SCAI: variants seen among roughly 807,000 people sequenced by gnomAD.
The protein encoded by SCAI is protein SCAI.
A neutral mutation model predicts 92.2 loss-of-function variants in SCAI; 24 were observed. The ratio of observed to expected loss-of-function variants is 0.26; its 90% CI spans 0.19 to 0.37. SCAI has a LOEUF of 0.37. Ranked by LOEUF, SCAI falls within the 10% of genes least tolerant of loss-of-function variation. SCAI has a pLI of 1.00. For missense variants in SCAI, 450 were observed against 736.2 expected, an observed-to-expected ratio of 0.61 and a Z score of 4.50; for synonymous variants, 261 against 258.6, an observed-to-expected ratio of 1.01 and a Z score of -0.09.
intron 14 of SCAI, among the ~76,000 whole-genome samples, chr9:124,994,579 G>A (rs900610311): frequency 1.3e-5 from 2 of 152,066 alleles, no homozygotes; most frequent in African/African-American, 2.4e-5. Flanking sequence ...AAGGGGAAAC[G>A]TTTGAACACT....
At chr9:124,974,072 C>T (rs1030530386) in intron 15 of SCAI, 4 of 255,310 alleles carry the variant, frequency 1.6e-5, no homozygotes, top group South Asian at 3.2e-5. Context: ...TTATAATAAC[C>T]GCCCATCAGG....
At chr9:124,964,468 A>C (rs1234107303) in intron 17 of SCAI, among the ~76,000 whole-genome samples, 1 of 152,162 alleles carries the variant, frequency 6.6e-6, no homozygotes, top group Non-Finnish European at 1.5e-5. Context: ...GATGGCTTTC[A>C]AGCCTTTTTC....
At chr9:124,969,412 A>G (rs905213035) in intron 17 of SCAI, among the ~76,000 whole-genome samples, 2 of 152,264 alleles carry the variant, frequency 1.3e-5, no homozygotes, top group African/African-American at 4.8e-5. Context: ...TAAAACCTCA[A>G]TGAAGTGTTG....
intron 14 of SCAI, among the ~76,000 whole-genome samples, chr9:124,982,424 C>T (rs1410405719): frequency 3.9e-5 from 6 of 152,072 alleles, no homozygotes; most frequent in Admixed American, 3.9e-4. Context: ...GTAATCGCAG[C>T]ATTTTGGGAG....
chr9:125,022,290 C>G (rs1226238535), intron 6 of SCAI, among the ~76,000 whole-genome samples: 1 of 152,238 alleles, frequency 6.6e-6, no homozygotes, highest in South Asian at 2.1e-4. Flanking sequence ...CCTCTATTCT[C>G]AATAATACTT....
chr9:124,981,266 T>C (rs1456638376), intron 14 of SCAI, among the ~76,000 whole-genome samples: 5 of 152,244 alleles, frequency 3.3e-5, no homozygotes, highest in South Asian at 2.1e-4. Flanking sequence ...TGTGATTCTC[T>C]TGATTTTCCA....
intron 2 of SCAI, among the ~76,000 whole-genome samples, chr9:125,092,700 G>A (rs1393525059): frequency 6.6e-6 from 1 of 152,134 alleles, no homozygotes; most frequent in East Asian, 1.9e-4. Flanking sequence ...TCACCAATGG[G>A]CCTCTGTGCT....
chr9:125,135,011 C>A (rs181518321), intron 2 of SCAI, among the ~76,000 whole-genome samples: 86 of 152,238 alleles, frequency 5.6e-4, no homozygotes, highest in African/African-American at 1.8e-3. Context: ...CAGTCCATTG[C>A]AGTTTTTCAG....
At chr9:125,044,256 C>T (rs1178394526) in intron 3 of SCAI, among the ~76,000 whole-genome samples, 1 of 152,100 alleles carries the variant, frequency 6.6e-6, no homozygotes, top group Non-Finnish European at 1.5e-5. Flanking sequence ...AGTGAGAACT[C>T]GAGGTGCTTT....
In SCAI at chr9:125,001,991, A is replaced by C; in HGVS notation, c.1118T>G (p.Phe373Cys). 6.2e-7 allele frequency: 1 copy of C among 1,613,620 alleles called. No homozygotes were observed. The part of the protein sequence containing the change: ...LLIYLSATGV[F>C]PTGRSDSEGP... The stretch of plus-strand genomic sequence containing the variant: ...TTCACTATCAGAACGACCTGTGGGG[A>C]AAACGCCAGTGGCCGACAGGTAAAT... Residue 373 changes from phenylalanine to cysteine, a missense_variant, in exon 12 of 18, where the codon TTC becomes TGC. This residue lies in a region of SCAI where 360 missense variants were observed against 601.8 expected (regional missense o/e 0.60). Transcript: ENST00000336505.
At chr9:125,128,392 G>C (rs902225669) in intron 2 of SCAI, among the ~76,000 whole-genome samples, 1 of 152,030 alleles carries the variant, frequency 6.6e-6, no homozygotes, top group African/African-American at 2.4e-5. Context: ...AGCTGAGGCA[G>C]GTGGATCACC....
At chr9:125,062,560 G>A (rs1262443702) in intron 2 of SCAI, among the ~76,000 whole-genome samples, 1 of 151,262 alleles carries the variant, frequency 6.6e-6, no homozygotes, top group East Asian at 2.0e-4. Flanking sequence ...AGACCAGCCT[G>A]ACCAACATGG....
intron 1 of SCAI, 143 bp downstream of exon 1, chr9:125,143,242 G>T (rs1280116914): frequency 4.3e-5 from 20 of 464,264 alleles, no homozygotes; most frequent in Admixed American, 1.8e-4. Flanking sequence ...GCCTGCAGGC[G>T]CCCCCAAGGT....
chr9:125,041,262 T>G (rs993224113), intron 3 of SCAI, among the ~76,000 whole-genome samples: 2 of 152,200 alleles, frequency 1.3e-5, no homozygotes, highest in Admixed American at 6.5e-5. Context: ...TTTCATCTTT[T>G]TTATGTCTCC....
At chr9:125,072,127 G>A (rs1025070800) in intron 2 of SCAI, among the ~76,000 whole-genome samples, 1 of 151,712 alleles carries the variant, frequency 6.6e-6, no homozygotes, top group African/African-American at 2.4e-5. Flanking sequence ...AGGTTCAAGC[G>A]GTTCTCCTGC....
chr9:124,984,357 C>T (rs1831944863), intron 14 of SCAI, among the ~76,000 whole-genome samples: 1 of 152,046 alleles, frequency 6.6e-6, no homozygotes, highest in South Asian at 2.1e-4. Flanking sequence ...AGATGACAGG[C>T]CATTGGTGAT....
At chr9:125,123,904 G>A (rs1182684350) in intron 2 of SCAI, among the ~76,000 whole-genome samples, 2 of 152,218 alleles carry the variant, frequency 1.3e-5, no homozygotes. Context: ...CTGTCAAACA[G>A]GCACACATGC....
At chr9:124,995,039 T>C in intron 13 of SCAI, 24 bp from the exon 14 acceptor site, 10 of 1,523,394 alleles carry the variant, frequency 6.6e-6, no homozygotes, top group Non-Finnish European at 9.1e-6. Context: ...AACGAAGAAC[T>C]GTTAAACTGT....
chr9:124,976,711 T>C (rs1156415200), intron 14 of SCAI, among the ~76,000 whole-genome samples: 2 of 152,180 alleles, frequency 1.3e-5, no homozygotes, highest in Admixed American at 6.5e-5. Flanking sequence ...ATCCTTTCCC[T>C]GAAGGTATAT....
Sources: allele counts gnomAD v4.1 joint callset (sites outside exome capture counted in the v4.1 genomes callset), GRCh38; gene constraint gnomAD v4.1.1; regional missense constraint gnomAD v4.1.1; transcripts MANE v1.5; gene names NCBI Gene and HGNC (gene_info 2026-07-23, HGNC 2026-07-21).